Variants in TACC1 observed in about 807,000 individuals in gnomAD.
TACC1 encodes the protein transforming acidic coiled-coil containing protein 1, also known as transforming acidic coiled-coil-containing protein 1.
Under a neutral mutation model 84.4 loss-of-function variants are expected in TACC1, and 48 were observed. The ratio of observed to expected loss-of-function variants is 0.57; its 90% CI spans 0.45 to 0.72. TACC1 has a LOEUF of 0.72. Among genes scored for constraint, TACC1 ranks in the 30% least tolerant of loss-of-function variants. The probability of loss-of-function intolerance (pLI) is 0.00; values close to 1 mark genes in which losing one functional copy is unlikely to be tolerated. For missense variants in TACC1, 920 were observed against 973.0 expected, an observed-to-expected ratio of 0.95 and a Z score of 0.72; for synonymous variants, 372 against 376.3, an observed-to-expected ratio of 0.99 and a Z score of 0.13.
At chr8:38,783,964 G>A (rs1816641658), upstream of TACC1, among the ~76,000 whole-genome samples, 1 of 152,216 alleles carries the variant, frequency 6.6e-6, no homozygotes, top group African/African-American at 2.4e-5. Flanking sequence ...GTCAGATGCT[G>A]TTATTGGCAA....
intron 3 of TACC1, among the ~76,000 whole-genome samples, chr8:38,772,592 G>A (rs756108580): frequency 6.6e-6 from 1 of 152,146 alleles, no homozygotes; most frequent in Non-Finnish European, 1.5e-5. Context: ...GAGGGGTCAG[G>A]ACGGGTCTTG....
chr8:38,796,583 T>C (rs1820040553), intron 2 of TACC1, among the ~76,000 whole-genome samples: 1 of 152,220 alleles, frequency 6.6e-6, no homozygotes, highest in Non-Finnish European at 1.5e-5. Flanking sequence ...CAGCATGATT[T>C]AGATATAAAT....
intron 1 of TACC1, chr8:38,728,752 G>A (rs967328250): frequency 7.2e-5 from 11 of 152,288 alleles, no homozygotes; most frequent in African/African-American, 2.4e-4. Flanking sequence ...TAAGCCTGGG[G>A]CTGAGGTGTT....
At chr8:38,737,454 C>T (rs1806189380) in intron 1 of TACC1, among the ~76,000 whole-genome samples, 1 of 152,182 alleles carries the variant, frequency 6.6e-6, no homozygotes, top group Non-Finnish European at 1.5e-5. Flanking sequence ...CTACATCCAG[C>T]TTCCTTCATG....
chr8:38,828,427 A>G (rs1828577015), intron 5 of TACC1, among the ~76,000 whole-genome samples: 1 of 152,234 alleles, frequency 6.6e-6, no homozygotes, highest in South Asian at 2.1e-4. Flanking sequence ...TTTACATGAC[A>G]TTAGAGCCTC....
chr8:38,787,543 T>A lies in TACC1; in HGVS notation c.-40T>A. ...AGGGAAAAAGGCTCTCCCCACCCATTCCCCTGCCCCTAGGAGCTGGAGCCG... is the reference window on the plus strand; with the variant it reads ...AGGGAAAAAGGCTCTCCCCACCCATACCCCTGCCCCTAGGAGCTGGAGCCG... On this transcript the variant is annotated 5_prime_UTR_variant, in exon 1 of 13. Coordinates refer to ENST00000317827, the MANE Select transcript of TACC1 (RefSeq NM_006283.3). 6 of 1,495,928 alleles carry A rather than the reference T, an allele frequency of 4.0e-6. No individual in the cohort carries two copies. Among genetic ancestry groups the A allele is most frequent in the Non-Finnish European group, 5.3e-6 (6 of 1,126,594 alleles). The allele number at this position is 1,495,928 out of a possible 1,614,324, so 92.7% of individuals were successfully genotyped here. A position where few individuals can be genotyped will look rare whatever the true frequency, so the allele number is the denominator to read the frequency against.
intron 2 of TACC1, among the ~76,000 whole-genome samples, chr8:38,797,973 T>C (rs1375674281): frequency 6.6e-6 from 1 of 152,110 alleles, no homozygotes; most frequent in Non-Finnish European, 1.5e-5. Flanking sequence ...ATCTCATGAG[T>C]GAGAAGAGAA....
At chr8:38,833,772 C>T (rs996309451) in intron 6 of TACC1, among the ~76,000 whole-genome samples, 4 of 152,174 alleles carry the variant, frequency 2.6e-5, no homozygotes, top group African/African-American at 9.7e-5. Context: ...CATATTCTCA[C>T]GAACTTGGTA....
At position 38,827,328 on chromosome 8, in the gene TACC1, A is replaced by G. The variant is rs140495121; in HGVS notation, c.1613A>G (p.Asn538Ser). Reference protein sequence around the residue: ...EEDLEYFECSNVPVSTINHAF... With the variant: ...EEDLEYFECSSVPVSTINHAF... ...GACCTGGAGTACTTTGAATGTTCCA[A>G]TGTTCCTGTGTCTACCATAAATCAT... The change falls in exon 5 of 13, where the codon AAT becomes AGT. Residue 538 changes from asparagine (N) to serine (S), a missense_variant. Around this residue, in one of 2 missense-constraint regions of TACC1, gnomAD observed 762 missense variants for 747.3 expected, o/e 1.02. Coordinates refer to ENST00000317827, the MANE Select transcript of TACC1 (RefSeq NM_006283.3). The G allele has an allele frequency of 1.5e-4, 244 of 1,614,080 alleles. No homozygotes were observed. The highest frequency in any genetic ancestry group is 2.3e-4 in the Admixed American group (14 of 59,996).
chr8:38,757,542 T>TCGGCAG (rs1275000159), intron 3 of TACC1: 8 of 1,091,568 alleles, frequency 7.3e-6, no homozygotes, highest in Non-Finnish European at 9.0e-6. Context: ...GCACGAGCGC[T>TCGGCAG]CGGCAGCGGG....
chr8:38,778,274 T>TTGTGTG (rs3076914), intron 3 of TACC1, among the ~76,000 whole-genome samples: 141 of 148,350 alleles, frequency 9.5e-4, no homozygotes, highest in African/African-American at 3.0e-3. Context: ...ATAATTAAAA[T>TTGTGTG]TGTGTGTGTG....
upstream of TACC1, among the ~76,000 whole-genome samples, chr8:38,783,080 ATCTATCTATC>A (rs1563440076): frequency 2.8e-4 from 30 of 106,620 alleles, no homozygotes; most frequent in African/African-American, 1.2e-3. Context: ...CTATCTATCT[ATCTATCTATC>A]TATCTATCTA....
upstream of TACC1, chr8:38,787,170 G>A (rs1354959790): frequency 9.1e-6 from 9 of 984,900 alleles, no homozygotes; most frequent in Non-Finnish European, 1.1e-5. Flanking sequence ...AGTACGGTCC[G>A]AGGGGGCGGC....
chr8:38,773,674 G>C (rs1053260097), intron 3 of TACC1, among the ~76,000 whole-genome samples: 53 of 151,754 alleles, frequency 3.5e-4, no homozygotes, highest in Non-Finnish European at 7.4e-4. Flanking sequence ...ATATGTAAGA[G>C]AGAGATTTGC....
chr8:38,811,492 A>C (rs181841006), intron 2 of TACC1, among the ~76,000 whole-genome samples: 1 of 152,266 alleles, frequency 6.6e-6, no homozygotes, highest in African/African-American at 2.4e-5. Context: ...TAAATCGTGA[A>C]GATTTCATGG....
chr8:38,817,845 C>T (rs991870659), intron 2 of TACC1, among the ~76,000 whole-genome samples: 1 of 149,954 alleles, frequency 6.7e-6, no homozygotes, highest in Non-Finnish European at 1.5e-5. Flanking sequence ...TTGCTTGAGC[C>T]CCAGAGTTTG....
rs115630983 is a variant in TACC1, at chr8:38,824,239, T to A, written c.1392-1069T>A. The stretch of plus-strand genomic sequence containing the variant: ...GGCTTGGCCTTTACACCTTAGGTGC[T>A]AGAGCTTGCACTCCCTGGCTTGGCA... On this transcript the variant is annotated intron_variant, in intron 3 of 12. Transcript: ENST00000317827. Among the ~76,000 whole-genome samples, 699 of 152,366 alleles carry A rather than the reference T, an allele frequency of 4.6e-3. 4 individuals are homozygous for A. Among genetic ancestry groups the A allele is most frequent in the African/African-American group, 0.016 (677 of 41,584 alleles).
At chr8:38,839,462 GT>G (rs1179813674) in intron 8 of TACC1, 4 of 369,572 alleles carry the variant, frequency 1.1e-5, no homozygotes, top group Non-Finnish European at 1.9e-5. Flanking sequence ...CCTCTAATTT[GT>G]TGCTCTTTTA....
At chr8:38,847,105 T>C (rs1414975932) in intron 12 of TACC1, among the ~76,000 whole-genome samples, 3 of 152,220 alleles carry the variant, frequency 2.0e-5, no homozygotes, top group Non-Finnish European at 2.9e-5. Flanking sequence ...CTGCCTTTCT[T>C]TCTTTCTTTG....
Sources: gnomAD v4.1 joint callset for allele counts (sites outside exome capture counted in the v4.1 genomes callset) on GRCh38, gnomAD v4.1.1 for gene constraint, gnomAD v4.1.1 regional missense constraint, MANE v1.5 for transcripts, NCBI Gene and HGNC (gene_info 2026-07-23, HGNC 2026-07-21) for gene names.